The following RAI14 variants were observed in gnomAD, a reference collection of about 807,000 sequenced individuals.
RAI14 encodes the protein retinoic acid induced 14.
RAI14 carries 45 observed loss-of-function variants against 115.4 expected under a neutral mutation model. The observed-to-expected ratio is 0.39, with a 90% confidence interval of 0.31 to 0.50. RAI14 has a LOEUF of 0.50. RAI14 is among the 20% of genes least tolerant of loss of function. RAI14 has a pLI of 0.85. For synonymous variants in RAI14, 371 were observed against 415.4 expected (o/e 0.89, Z 1.30); for missense variants, 939 against 1,131.2 (o/e 0.83, Z 2.44).
chr5:34,768,988 CAAA>C (rs34926209), intron 3 of RAI14, among the ~76,000 whole-genome samples: 2 of 132,150 alleles, frequency 1.5e-5, no homozygotes. Context: ...GACCCAGTCT[CAAA>C]AAAAAAAAAA....
rs532783807 is a variant in RAI14 at position 34,700,752 on chromosome 5, A to G, written c.36+13797A>G. 1.2e-3 allele frequency among the ~76,000 whole-genome samples: 178 copies of G among 152,294 alleles called. 1 individual carries two copies. The highest frequency in any genetic ancestry group is 2.6e-4 in the Non-Finnish European group (18 of 68,024). ...CATTGGAGGCCTTGGCTTGTTACCT[A>G]CAATCTACCTGTGTGCTTATTTTGT... On this transcript the variant is annotated intron_variant, in intron 2 of 17. Coordinates refer to ENST00000265109, the MANE Select transcript of RAI14 (RefSeq NM_015577.3).
At chr5:34,816,793 T>C (rs894900281) in intron 12 of RAI14, among the ~76,000 whole-genome samples, 8 of 152,136 alleles carry the variant, frequency 5.3e-5, no homozygotes, top group Non-Finnish European at 1.2e-4. Context: ...TATACTCTTA[T>C]AGTTAGTACG....
intron 1 of RAI14, among the ~76,000 whole-genome samples, chr5:34,662,721 ATTTTTTTTTTTT>A (rs746930489): frequency 1.8e-4 from 17 of 91,920 alleles, no homozygotes; most frequent in African/African-American, 5.2e-4. Flanking sequence ...ATTTAAACAG[ATTTTTTTTTTTT>A]TTTTTTTTTT....
chr5:34,688,433 G>A, intron 2 of RAI14: 1 of 494,634 alleles, frequency 2.0e-6, no homozygotes, highest in Non-Finnish European at 3.4e-6. Context: ...GGGGCCCAGA[G>A]GAATGATAGG....
intron 2 of RAI14, among the ~76,000 whole-genome samples, chr5:34,742,514 A>T (rs1411826245): frequency 6.6e-6 from 1 of 152,072 alleles, no homozygotes; most frequent in African/African-American, 2.4e-5. Flanking sequence ...TGCGGTAAAC[A>T]ATTGCTTTTT....
chr5:34,664,325 C>G (rs1318973547), intron 1 of RAI14, among the ~76,000 whole-genome samples: 1 of 148,376 alleles, frequency 6.7e-6, no homozygotes, highest in Non-Finnish European at 1.5e-5. Flanking sequence ...AACCCCATAT[C>G]TACTTTAAAA....
At chr5:34,687,865 C>T in intron 2 of RAI14, 1 of 1,122,518 alleles carries the variant, frequency 8.9e-7, no homozygotes. Flanking sequence ...GAGGCTGTGT[C>T]TTTTATGGCT....
chr5:34,687,974 G>A, intron 2 of RAI14: 2 of 1,121,484 alleles, frequency 1.8e-6, no homozygotes, highest in Non-Finnish European at 2.5e-6. Flanking sequence ...GGCTAGATGA[G>A]ATGCTTATGG....
chr5:34,825,197 C>T (rs989266677), intron 15 of RAI14, among the ~76,000 whole-genome samples: 3 of 152,014 alleles, frequency 2.0e-5, no homozygotes, highest in Admixed American at 6.6e-5. Flanking sequence ...ATCACTAGAG[C>T]CCTACAAGTC....
At chr5:34,688,682 A>C (rs1738183305) in intron 2 of RAI14, among the ~76,000 whole-genome samples, 1 of 152,154 alleles carries the variant, frequency 6.6e-6, no homozygotes, top group South Asian at 2.1e-4. Flanking sequence ...AATTGGTATA[A>C]TGGAGCCCAA....
intron 2 of RAI14, among the ~76,000 whole-genome samples, chr5:34,748,171 A>G (rs1054657895): frequency 1.5e-4 from 23 of 152,306 alleles, no homozygotes; most frequent in African/African-American, 5.3e-4. Flanking sequence ...AGACCTCAGG[A>G]AGTGCTGACA....
At chr5:34,826,250 T>C (rs1335026456) in intron 15 of RAI14, 80 bp from the exon 16 acceptor site, 1 of 1,379,686 alleles carries the variant, frequency 7.2e-7, no homozygotes, top group African/African-American at 1.4e-5. Context: ...GAGATGACTA[T>C]GTTTGAGGCT....
chr5:34,669,972 C>T (rs2149853935), intron 1 of RAI14, among the ~76,000 whole-genome samples: 1 of 152,284 alleles, frequency 6.6e-6, no homozygotes, highest in South Asian at 2.1e-4. Flanking sequence ...GATTTGTTGA[C>T]TCCGTGAATT....
intron 2 of RAI14, among the ~76,000 whole-genome samples, chr5:34,691,621 G>A (rs1185702820): frequency 6.6e-6 from 1 of 152,184 alleles, no homozygotes; most frequent in Non-Finnish European, 1.5e-5. Flanking sequence ...GAGGTTGAGG[G>A]ATGGGAAATG....
At chr5:34,716,253 T>C (rs538410585) in intron 2 of RAI14, 1 of 314,270 alleles carries the variant, frequency 3.2e-6, no homozygotes, top group East Asian at 1.1e-4. Context: ...ATAATCTAGG[T>C]GAGGCTGAGG....
chr5:34,806,677 A>G (rs2150243889), intron 5 of RAI14, among the ~76,000 whole-genome samples: 1 of 152,184 alleles, frequency 6.6e-6, no homozygotes, highest in African/African-American at 2.4e-5. Context: ...CTCAATGTCT[A>G]GACTGATGAT....
At chr5:34,697,654 C>T (rs1338209476) in intron 2 of RAI14, among the ~76,000 whole-genome samples, 1 of 152,164 alleles carries the variant, frequency 6.6e-6, no homozygotes. Context: ...CTATCATGAC[C>T]TGATCTCACA....
At chr5:34,720,147 T>C (rs1003037107) in intron 2 of RAI14, among the ~76,000 whole-genome samples, 2 of 152,192 alleles carry the variant, frequency 1.3e-5, no homozygotes, top group Non-Finnish European at 2.9e-5. Flanking sequence ...TTCTCAGAGC[T>C]TATTTGCAAG....
intron 1 of RAI14, among the ~76,000 whole-genome samples, chr5:34,658,050 T>G (rs1742418231): frequency 6.6e-6 from 1 of 152,232 alleles, no homozygotes; most frequent in South Asian, 2.1e-4. Flanking sequence ...TAACAGAGAT[T>G]GGGAGAGCTA....
Sources: allele counts gnomAD v4.1 joint callset (sites outside exome capture counted in the v4.1 genomes callset), GRCh38; gene constraint gnomAD v4.1.1; transcripts MANE v1.5; gene names NCBI Gene and HGNC (gene_info 2026-07-23, HGNC 2026-07-21).